Variants in PREX2 observed in about 807,000 individuals in gnomAD.
PREX2 encodes the protein phosphatidylinositol-3,4,5-trisphosphate dependent Rac exchange factor 2.
PREX2 carries 107 observed loss-of-function variants against 203.2 expected under a neutral mutation model. The ratio of observed to expected loss-of-function variants is 0.53; its 90% CI spans 0.45 to 0.62. The LOEUF is 0.62. Ranked by LOEUF, PREX2 falls within the 20% of genes least tolerant of loss-of-function variation. The pLI is 0.00. For missense variants in PREX2, 1,777 were observed against 1,955.9 expected (o/e 0.91, Z 1.72); for synonymous variants, 672 against 663.6 (o/e 1.01, Z -0.19).
At chr8:68,025,805 C>T (rs755697235) in intron 4 of PREX2, among the ~76,000 whole-genome samples, 4 of 152,018 alleles carry the variant, frequency 2.6e-5, no homozygotes, top group Non-Finnish European at 4.4e-5. Context: ...AGCTGGCTCT[C>T]GTCAGCCAGT....
At position 68,055,978 on chromosome 8, in the gene PREX2, G is replaced by T; in HGVS notation, c.1238+4G>T. ...TCCCTAAATGCTTTCTTGGAAGGTAGGGTTGGGAGTTTGGGTGCATGACTT... is the reference window on the plus strand; with the variant it reads ...TCCCTAAATGCTTTCTTGGAAGGTATGGTTGGGAGTTTGGGTGCATGACTT... On this transcript the variant is annotated splice_donor_region_variant and intron_variant, in intron 10 of 39. Coordinates refer to ENST00000288368, the MANE Select transcript of PREX2 (RefSeq NM_024870.4). 6.2e-7 allele frequency: 1 copy of T among 1,605,464 alleles called. No homozygotes were observed. Among genetic ancestry groups the T allele is most frequent in the South Asian group, 1.1e-5 (1 of 88,996 alleles).
At chr8:68,058,528 G>T (rs1165519890) in intron 10 of PREX2, among the ~76,000 whole-genome samples, 1 of 152,054 alleles carries the variant, frequency 6.6e-6, no homozygotes, top group African/African-American at 2.4e-5. Flanking sequence ...CTGCCTCCCG[G>T]GTTCAAGTTA....
intron 13 of PREX2, 53 bp downstream of exon 13, chr8:68,069,937 GT>G: frequency 1.0e-6 from 1 of 1,000,236 alleles, no homozygotes; most frequent in South Asian, 1.6e-5. Flanking sequence ...TTTGTACTAT[GT>G]TTTAGGTAAA....
chr8:68,225,115 A>G (rs956634491), intron 39 of PREX2, among the ~76,000 whole-genome samples: 1 of 152,166 alleles, frequency 6.6e-6, no homozygotes, highest in Non-Finnish European at 1.5e-5. Flanking sequence ...AAACTTTATC[A>G]TATCTTGTTG....
intron 11 of PREX2, among the ~76,000 whole-genome samples, chr8:68,064,757 T>A (rs1808967428): frequency 6.6e-6 from 1 of 152,136 alleles, no homozygotes. Context: ...AGGTTATTTG[T>A]ATCTATTGCT....
chr8:68,145,372 C>A (rs777968229), intron 33 of PREX2, among the ~76,000 whole-genome samples: 1 of 152,066 alleles, frequency 6.6e-6, no homozygotes, highest in Non-Finnish European at 1.5e-5. Flanking sequence ...TCATAAATGC[C>A]ATTTAACCTT....
intron 35 of PREX2, among the ~76,000 whole-genome samples, chr8:68,185,442 CT>C (rs951854226): frequency 1.3e-5 from 2 of 152,112 alleles, no homozygotes; most frequent in Non-Finnish European, 2.9e-5. Flanking sequence ...CCAGTTTGAC[CT>C]GTCAGAATTC....
Position 68,217,639 on chromosome 8 carries a change from A to G in PREX2, c.4628A>G (p.Glu1543Gly). ...VHRCTLSVTL[E>G]QAIILARSHG... ...AGGTGCACCCTGAGCGTGACGCTGG[A>G]GCAAGCCATCATTCTGGCCAGAAGC... is the stretch of plus-strand genomic sequence containing the variant. Residue 1543 changes from glutamate to glycine, a missense_variant, in exon 38 of 40, where the codon GAG becomes GGG. Coordinates refer to ENST00000288368, the MANE Select transcript of PREX2 (RefSeq NM_024870.4). 1 of 1,614,114 alleles carries G rather than the reference A, an allele frequency of 6.2e-7. No individual in the cohort carries two copies. The highest frequency in any genetic ancestry group is 2.2e-5 in the East Asian group (1 of 44,862).
chr8:67,990,800 C>T (rs758833685), intron 1 of PREX2, among the ~76,000 whole-genome samples: 3 of 151,754 alleles, frequency 2.0e-5, no homozygotes, highest in South Asian at 2.1e-4. Flanking sequence ...CGTGAGCCAC[C>T]GTGCCCGGCC....
At chr8:68,076,456 TA>T (rs75007407) in intron 14 of PREX2, among the ~76,000 whole-genome samples, 13,085 of 149,150 alleles carry the variant, frequency 0.088, 758 homozygotes, top group South Asian at 0.18. Flanking sequence ...GACTCCATCT[TA>T]AAAAAAAAAT....
chr8:68,205,012 C>T (rs944652240), intron 37 of PREX2, among the ~76,000 whole-genome samples: 14 of 152,140 alleles, frequency 9.2e-5, no homozygotes, highest in African/African-American at 3.4e-4. Context: ...ACTCGGAAAC[C>T]CTTGTCTTCC....
At chr8:67,988,569 A>G (rs1014397724) in intron 1 of PREX2, among the ~76,000 whole-genome samples, 4 of 152,162 alleles carry the variant, frequency 2.6e-5, no homozygotes, top group African/African-American at 4.8e-5. Flanking sequence ...ATAATAGAAC[A>G]CTGGCTCCTG....
intron 36 of PREX2, among the ~76,000 whole-genome samples, chr8:68,192,129 G>C (rs1244352525): frequency 6.6e-6 from 1 of 152,152 alleles, no homozygotes; most frequent in East Asian, 1.9e-4. Context: ...CCATGCAAAG[G>C]ATTGCAGTTA....
chr8:68,058,376 G>A lies in PREX2; in HGVS notation c.1239-2303G>A, dbSNP rs549749224. On this transcript the variant is annotated intron_variant, in intron 10 of 39. Coordinates refer to ENST00000288368, the MANE Select transcript of PREX2 (RefSeq NM_024870.4). Reference sequence around the variant, plus strand: ...TAAATCTCACTATGTGCCAGGCCCCGTGCTGAGTTCCTGACATCTGTCATC... The same window carrying A: ...TAAATCTCACTATGTGCCAGGCCCCATGCTGAGTTCCTGACATCTGTCATC... Among the ~76,000 whole-genome samples the A allele has an allele frequency of 1.7e-4, 26 of 151,948 alleles. No homozygotes were observed. The East Asian group carries it at 4.8e-3, about 28-fold the overall frequency.
At chr8:68,092,101 G>A (rs558699048) in intron 20 of PREX2, among the ~76,000 whole-genome samples, 15 of 152,230 alleles carry the variant, frequency 9.9e-5, no homozygotes, top group African/African-American at 3.6e-4. Flanking sequence ...ACCCTCCAGA[G>A]CACCTTTGCA....
At chr8:68,065,187 A>G (rs1311720656) in intron 11 of PREX2, among the ~76,000 whole-genome samples, 1 of 152,200 alleles carries the variant, frequency 6.6e-6, no homozygotes, top group Non-Finnish European at 1.5e-5. Context: ...CCTTACAGCT[A>G]GGCTCTCCCT....
rs1018090561 is a variant in PREX2 at position 67,995,089 on chromosome 8, A to G, written c.142-22757A>G. 2.0e-5 allele frequency among the ~76,000 whole-genome samples: 3 copies of G among 152,138 alleles called. No homozygotes were observed. In the South Asian group the frequency reaches 6.2e-4, roughly 32 times the overall value. On this transcript the variant is annotated intron_variant, in intron 1 of 39. Coordinates refer to ENST00000288368, the MANE Select transcript of PREX2 (RefSeq NM_024870.4). ...TACTTTCCTTTTCTTTTTTAAGACTACATGGTGTACCTTTATATTCACTGC... is the reference window on the plus strand; with the variant it reads ...TACTTTCCTTTTCTTTTTTAAGACTGCATGGTGTACCTTTATATTCACTGC...
At chr8:68,105,944 G>A (rs1160214552) in intron 23 of PREX2, 1 of 162,904 alleles carries the variant, frequency 6.1e-6, no homozygotes, top group African/African-American at 2.4e-5. Flanking sequence ...TACTTTTAAT[G>A]GCAAAAACCG....
At chr8:67,969,370 A>G (rs576701456) in intron 1 of PREX2, among the ~76,000 whole-genome samples, 2 of 152,192 alleles carry the variant, frequency 1.3e-5, no homozygotes, top group South Asian at 2.1e-4. Flanking sequence ...GCCCACTCTC[A>G]GGTATTCTGG....
Sources: allele counts gnomAD v4.1 joint callset (sites outside exome capture counted in the v4.1 genomes callset), GRCh38; gene constraint gnomAD v4.1.1; transcripts MANE v1.5; gene names NCBI Gene and HGNC (gene_info 2026-07-23, HGNC 2026-07-21).